Variants in SPAG16 observed in about 807,000 individuals in gnomAD.
SPAG16 encodes the protein sperm-associated antigen 16 protein.
SPAG16 carries 86 observed loss-of-function variants against 80.4 expected under a neutral mutation model. The observed-to-expected ratio is 1.07, with a 90% CI of 0.90 to 1.28. The LOEUF (loss-of-function observed/expected upper bound fraction) is 1.28, where lower values mean the gene tolerates loss of function less well. Ranked by LOEUF, SPAG16 falls within the 50% of genes most tolerant of loss-of-function variation. The probability of loss-of-function intolerance (pLI) is 0.00; values close to 1 mark genes in which losing one functional copy is unlikely to be tolerated. For synonymous variants in SPAG16, 294 were observed against 265.9 expected (o/e 1.11, Z -1.03); for missense variants, 870 against 765.3 (o/e 1.14, Z -1.61).
At position 214,310,209 on chromosome 2, in the gene SPAG16, AT is replaced by A. The variant is rs563414528; in HGVS notation, c.1721-99928del. 7.6e-3 allele frequency among the ~76,000 whole-genome samples: 1,061 copies of A among 139,010 alleles called. 9 individuals are homozygous for A. The highest frequency in any genetic ancestry group is 0.027 in the African/African-American group (1,025 of 37,352). The allele number at this position is 139,010 out of a possible 152,430, so 91.2% of individuals were successfully genotyped here. On this transcript the variant is annotated intron_variant, in intron 15 of 15. Coordinates refer to ENST00000331683, the MANE Select transcript of SPAG16 (RefSeq NM_024532.5). ...TGCTATTGTTTGCAAGGGACTTTATATTTATTTTTTCCTCCCTTGAAGGTGT... is the reference window on the plus strand; with the variant it reads ...TGCTATTGTTTGCAAGGGACTTTATATTATTTTTTCCTCCCTTGAAGGTGT...
chr2:213,956,998 T>C (rs2044179368), intron 12 of SPAG16, among the ~76,000 whole-genome samples: 2 of 152,202 alleles, frequency 1.3e-5, no homozygotes, highest in African/African-American at 4.8e-5. Context: ...TCAGAGAAGA[T>C]ACTTTGTATC....
intron 15 of SPAG16, among the ~76,000 whole-genome samples, chr2:214,400,079 T>C (rs538871420): frequency 6.6e-6 from 1 of 152,224 alleles, no homozygotes; most frequent in African/African-American, 2.4e-5. Flanking sequence ...AAGGGATTTC[T>C]GTAATATTCA....
At chr2:213,457,999 T>A (rs776451658) in intron 9 of SPAG16, among the ~76,000 whole-genome samples, 3 of 152,000 alleles carry the variant, frequency 2.0e-5, no homozygotes, top group African/African-American at 4.8e-5. Flanking sequence ...ACTGCTTGAG[T>A]TTTTTACTCA....
At chr2:214,018,933 T>C (rs1297337030) in intron 13 of SPAG16, among the ~76,000 whole-genome samples, 4 of 152,152 alleles carry the variant, frequency 2.6e-5, no homozygotes, top group Non-Finnish European at 5.9e-5. Context: ...ACTGGACATA[T>C]CAGCTCTGAA....
intron 15 of SPAG16, among the ~76,000 whole-genome samples, chr2:214,169,039 A>G (rs1041203610): frequency 6.6e-6 from 1 of 152,014 alleles, no homozygotes; most frequent in Non-Finnish European, 1.5e-5. Flanking sequence ...ATATATCCCA[A>G]TGTTTTCTAT....
intron 9 of SPAG16, among the ~76,000 whole-genome samples, chr2:213,439,562 A>C (rs1203166080): frequency 3.9e-5 from 6 of 152,222 alleles, no homozygotes; most frequent in African/African-American, 1.4e-4. Flanking sequence ...GAAATTTCTA[A>C]GTATACTGTT....
intron 15 of SPAG16, among the ~76,000 whole-genome samples, chr2:214,260,814 TTC>T (rs199770215): frequency 0.016 from 2,393 of 152,106 alleles, 39 homozygotes; most frequent in African/African-American, 0.035. Context: ...TATGGTAAAA[TTC>T]TGAGACTTGG....
intron 13 of SPAG16, among the ~76,000 whole-genome samples, chr2:214,057,178 CTTTT>C (rs36181178): frequency 0.098 from 14,125 of 144,546 alleles, 852 homozygotes; most frequent in East Asian, 0.23. Flanking sequence ...TTTCAGTTTA[CTTTT>C]TTTTTTTTTT....
intron 9 of SPAG16, among the ~76,000 whole-genome samples, chr2:213,397,548 AG>A (rs2125323497): frequency 6.6e-6 from 1 of 152,292 alleles, no homozygotes; most frequent in African/African-American, 2.4e-5. Flanking sequence ...CTTTCTTAAA[AG>A]TGATTCCTCC....
At chr2:214,110,064 G>C (rs2053586525) in intron 14 of SPAG16, among the ~76,000 whole-genome samples, 1 of 152,124 alleles carries the variant, frequency 6.6e-6, no homozygotes, top group Non-Finnish European at 1.5e-5. Flanking sequence ...AATCAAGAGA[G>C]ACATACATTA....
At chr2:213,942,738 G>A (rs2079262892) in intron 12 of SPAG16, among the ~76,000 whole-genome samples, 1 of 152,142 alleles carries the variant, frequency 6.6e-6, no homozygotes, top group African/African-American at 2.4e-5. Context: ...ATTGACCAAA[G>A]CAAGTCACAT....
At chr2:214,392,594 A>G (rs921275762) in intron 15 of SPAG16, among the ~76,000 whole-genome samples, 2 of 152,100 alleles carry the variant, frequency 1.3e-5, no homozygotes, top group Non-Finnish European at 2.9e-5. Context: ...AATGAATTTG[A>G]TGCATTTGAC....
chr2:213,353,983 T>C (rs1378170006), intron 7 of SPAG16, among the ~76,000 whole-genome samples: 3 of 152,190 alleles, frequency 2.0e-5, no homozygotes, highest in African/African-American at 4.8e-5. Context: ...GTTGGTTTGC[T>C]ACACCCATCG....
intron 1 of SPAG16, among the ~76,000 whole-genome samples, chr2:213,288,202 G>A (rs2062127172): frequency 6.6e-6 from 1 of 152,172 alleles, no homozygotes; most frequent in South Asian, 2.1e-4. Context: ...ACAGACATGA[G>A]CCACTGTACC....
chr2:213,504,818 C>T (rs1361108150), intron 10 of SPAG16, among the ~76,000 whole-genome samples: 1 of 152,174 alleles, frequency 6.6e-6, no homozygotes, highest in African/African-American at 2.4e-5. Context: ...GGCTAAATGT[C>T]CCTGTGGAGA....
At chr2:213,357,878 T>G (rs1014487491) in intron 7 of SPAG16, among the ~76,000 whole-genome samples, 1 of 152,258 alleles carries the variant, frequency 6.6e-6, no homozygotes, top group African/African-American at 2.4e-5. Flanking sequence ...TTGGCATGTT[T>G]TTGCAGTGGC....
intron 15 of SPAG16, among the ~76,000 whole-genome samples, chr2:214,338,543 T>C (rs1426767938): frequency 6.6e-6 from 1 of 152,044 alleles, no homozygotes; most frequent in East Asian, 1.9e-4. Context: ...AATCCTCCAG[T>C]GGTATTCCTA....
intron 10 of SPAG16, among the ~76,000 whole-genome samples, chr2:213,796,636 T>C (rs1229965660): frequency 2.6e-5 from 4 of 152,200 alleles, no homozygotes; most frequent in African/African-American, 9.6e-5. Context: ...GTCCTTAAGT[T>C]GTAGCACAAT....
At chr2:213,696,674 G>C (rs1319878284) in intron 10 of SPAG16, among the ~76,000 whole-genome samples, 1 of 152,144 alleles carries the variant, frequency 6.6e-6, no homozygotes, top group African/African-American at 2.4e-5. Context: ...AGATGCAAAT[G>C]ACCAACTGTT....
Sources: allele counts gnomAD v4.1 joint callset (sites outside exome capture counted in the v4.1 genomes callset), GRCh38; gene constraint gnomAD v4.1.1; transcripts MANE v1.5; gene names NCBI Gene and HGNC (gene_info 2026-07-23, HGNC 2026-07-21).